The following SRGAP3 variants were observed in gnomAD, a reference collection of about 807,000 sequenced individuals.
SRGAP3 encodes the protein SLIT-ROBO Rho GTPase activating protein 3.
SRGAP3 carries 39 observed loss-of-function variants against 121.1 expected under a neutral mutation model. That is an observed-to-expected ratio of 0.32 (90% CI 0.25 to 0.42). SRGAP3 has a LOEUF of 0.42. Among genes scored for constraint, SRGAP3 ranks in the 10% least tolerant of loss-of-function variants. SRGAP3 has a pLI of 1.00. For synonymous variants in SRGAP3, 601 were observed against 570.0 expected (o/e 1.05, Z -0.77); for missense variants, 1,213 against 1,470.6 (o/e 0.82, Z 2.86).
chr3:9,276,133 A>G (rs1954571655), intron 3 of SRGAP3, among the ~76,000 whole-genome samples: 1 of 152,238 alleles, frequency 6.6e-6, no homozygotes, highest in South Asian at 2.1e-4. Context: ...AGACTTAGTC[A>G]ATGTCAAAAC....
At chr3:9,237,896 G>A (rs1953473554) in intron 1 of SRGAP3, among the ~76,000 whole-genome samples, 2 of 152,344 alleles carry the variant, frequency 1.3e-5, no homozygotes, top group African/African-American at 4.8e-5. Flanking sequence ...GCTGCTGTGG[G>A]GAGAGTAGAC....
At chr3:9,142,560 A>G (rs1481719612) in intron 1 of SRGAP3, among the ~76,000 whole-genome samples, 1 of 152,232 alleles carries the variant, frequency 6.6e-6, no homozygotes. Flanking sequence ...CTGTTACCAA[A>G]GAGGAAAAAC....
chr3:9,196,823 C>T (rs549780804), intron 1 of SRGAP3, among the ~76,000 whole-genome samples: 46 of 152,250 alleles, frequency 3.0e-4, no homozygotes, highest in African/African-American at 1.1e-3. Flanking sequence ...CAAAGTTGCA[C>T]CCAGATAAAG....
chr3:8,994,496 T>G lies in SRGAP3; in HGVS notation c.2255A>C (p.Lys752Thr). Residue 752 changes from lysine (K) to threonine (T), a missense_variant, in exon 19 of 22, where the codon AAG (lysine) becomes ACG (threonine). Around this residue, in one of 2 missense-constraint regions of SRGAP3, gnomAD observed 793 missense variants for 1,032.9 expected, o/e 0.77. Coordinates refer to ENST00000383836, the MANE Select transcript of SRGAP3 (RefSeq NM_014850.4). ...CGGGGACCGCCCCATGTAGTCAAAC[T>G]TGGCAATAGCCTCGATCTGCTCCAC... ...EEVEQIEAIA[K>T]FDYMGRSPRE... The G allele has an allele frequency of 6.2e-7, 1 of 1,614,058 alleles. No individual in the cohort carries two copies.
At chr3:9,280,621 A>T (rs1954658356) in intron 3 of SRGAP3, among the ~76,000 whole-genome samples, 1 of 152,196 alleles carries the variant, frequency 6.6e-6, no homozygotes, top group Non-Finnish European at 1.5e-5. Context: ...CCTCAGCAGG[A>T]TGCTGATAAC....
At chr3:9,236,693 A>AT (rs200157301) in intron 1 of SRGAP3, among the ~76,000 whole-genome samples, 1,987 of 152,228 alleles carry the variant, frequency 0.013, 46 homozygotes, top group African/African-American at 0.044. Flanking sequence ...AGATGTCAGC[A>AT]TCATGCTTCC....
chr3:9,086,577 A>ATG (rs1191268635), intron 3 of SRGAP3, among the ~76,000 whole-genome samples: 33 of 149,922 alleles, frequency 2.2e-4, no homozygotes, highest in African/African-American at 6.1e-4. Context: ...GGGTGTGTAT[A>ATG]TGTGTGTGTG....
chr3:9,107,389 G>A (rs1008077302), intron 2 of SRGAP3, among the ~76,000 whole-genome samples: 26 of 152,246 alleles, frequency 1.7e-4, no homozygotes, highest in Admixed American at 1.7e-3. Context: ...TGGAGAAGCT[G>A]CAGAAGGCAT....
intron 3 of SRGAP3, among the ~76,000 whole-genome samples, chr3:9,291,432 C>T (rs1954867052): frequency 6.6e-6 from 1 of 152,174 alleles, no homozygotes; most frequent in Non-Finnish European, 1.5e-5. Flanking sequence ...TTATACTGAG[C>T]ACTGCTTCCA....
At chr3:9,209,794 G>T (rs575910964) in intron 1 of SRGAP3, among the ~76,000 whole-genome samples, 2 of 152,258 alleles carry the variant, frequency 1.3e-5, no homozygotes, top group African/African-American at 4.8e-5. Flanking sequence ...ACTGTAGCTA[G>T]GCACTCAAAA....
chr3:9,238,096 C>T (rs1443968470), intron 1 of SRGAP3, among the ~76,000 whole-genome samples: 1 of 152,152 alleles, frequency 6.6e-6, no homozygotes, highest in Non-Finnish European at 1.5e-5. Flanking sequence ...TTATACAGAA[C>T]AGCACCTTCA....
At chr3:9,026,186 G>A (rs193091774) in intron 13 of SRGAP3, among the ~76,000 whole-genome samples, 452 of 152,158 alleles carry the variant, frequency 3.0e-3, no homozygotes, top group African/African-American at 9.7e-3. Context: ...TCACCCCCTC[G>A]GAGAAATCTC....
At chr3:9,315,550 A>T (rs1574997575) in intron 3 of SRGAP3, among the ~76,000 whole-genome samples, 1 of 152,324 alleles carries the variant, frequency 6.6e-6, no homozygotes, top group East Asian at 1.9e-4. Flanking sequence ...TGGGGATGGG[A>T]GACAATAACC....
chr3:9,085,121 G>A (rs1423884053), intron 3 of SRGAP3, among the ~76,000 whole-genome samples: 2 of 152,216 alleles, frequency 1.3e-5, no homozygotes, highest in Admixed American at 6.5e-5. Flanking sequence ...TCAGCCCCAT[G>A]AGGGCAAAGA....
intron 4 of SRGAP3, among the ~76,000 whole-genome samples, chr3:9,066,712 T>C (rs957573930): frequency 1.3e-5 from 2 of 152,244 alleles, no homozygotes; most frequent in African/African-American, 4.8e-5. Flanking sequence ...TTGGTCAATC[T>C]GGTCTTGATC....
intron 1 of SRGAP3, among the ~76,000 whole-genome samples, chr3:9,129,815 G>A (rs1949376751): frequency 6.6e-6 from 1 of 151,228 alleles, no homozygotes; most frequent in South Asian, 2.1e-4. Context: ...AGGCTGGAGT[G>A]CAGTGGCGCC....
Position 8,982,109 on chromosome 3 carries a change from A to G in SRGAP3, c.*3410T>C. The G allele has an allele frequency of 4.4e-6, 1 of 226,210 alleles. No individual in the cohort carries two copies. The highest frequency in any genetic ancestry group is 8.8e-6 in the Non-Finnish European group (1 of 113,408). 14.0% of individuals were successfully genotyped at this position (226,210 alleles called of 1,614,324 possible). A position where few individuals can be genotyped will look rare whatever the true frequency, so the allele number is the denominator to read the frequency against. ...TTTATCCAAAAAGCTCTTTAGTGGC[A>G]GCTGAGCCACAAGGCCCAGGAAACT... On this transcript the variant is annotated 3_prime_UTR_variant, in exon 22 of 22. Coordinates refer to ENST00000383836, the MANE Select transcript of SRGAP3 (RefSeq NM_014850.4).
At chr3:9,021,991 G>A (rs1559933166) in intron 14 of SRGAP3, among the ~76,000 whole-genome samples, 1 of 151,856 alleles carries the variant, frequency 6.6e-6, no homozygotes, top group Non-Finnish European at 1.5e-5. Context: ...TGCTGAAGTG[G>A]GAGGATCACC....
Position 9,348,185 on chromosome 3 carries a change from C to CA in SRGAP3, n.214+14654dup, listed in dbSNP as rs1955941304. On this transcript the variant is annotated intron_variant and non_coding_transcript_variant, in intron 1 of 3. Coordinates refer to the SRGAP3 transcript ENST00000490889. ...ACAAATAGTTACATTTCATCCAAGA[C>CA]AAAGCTCCAAAACCTTTTCTCTGCA... Among the ~76,000 whole-genome samples the CA allele has an allele frequency of 2.0e-5, 3 of 152,262 alleles. No homozygotes were observed. In the South Asian group the frequency reaches 6.2e-4, roughly 32 times the overall value.
Sources: gnomAD v4.1 joint callset for allele counts (sites outside exome capture counted in the v4.1 genomes callset) on GRCh38, gnomAD v4.1.1 for gene constraint, gnomAD v4.1.1 regional missense constraint, MANE v1.5 for transcripts, NCBI Gene and HGNC (gene_info 2026-07-23, HGNC 2026-07-21) for gene names.